The following PUM1 variants were observed in gnomAD, a reference collection of about 807,000 sequenced individuals.
The protein encoded by PUM1 is pumilio RNA binding family member 1, also known as pumilio homolog 1.
PUM1 carries 13 observed loss-of-function variants against 131.8 expected under a neutral mutation model. The observed-to-expected ratio is 0.10, with a 90% CI of 0.06 to 0.16. The LOEUF (loss-of-function observed/expected upper bound fraction) is 0.16. Ranked by LOEUF, PUM1 falls within the 10% of genes least tolerant of loss-of-function variation. The pLI, the probability that PUM1 is intolerant of heterozygous loss-of-function variation, is 1.00. For synonymous variants in PUM1, 509 were observed against 556.5 expected (o/e 0.91, Z 1.20); for missense variants, 961 against 1,512.4 (o/e 0.64, Z 6.05).
intron 20 of PUM1, among the ~76,000 whole-genome samples, chr1:30,938,655 G>C (rs1395561547): frequency 6.6e-6 from 1 of 152,178 alleles, no homozygotes; most frequent in African/African-American, 2.4e-5. Flanking sequence ...ATGAGGTCAG[G>C]AGATCGAGAC....
At chr1:31,028,659 C>G (rs955126371) in intron 3 of PUM1, 137 bp downstream of exon 3, 1 of 783,940 alleles carries the variant, frequency 1.3e-6, no homozygotes, top group South Asian at 1.5e-5. Context: ...TCCAGCATCC[C>G]GTTCCTATCA....
chr1:30,967,594 T>G (rs957900994), intron 11 of PUM1, among the ~76,000 whole-genome samples: 2 of 152,224 alleles, frequency 1.3e-5, no homozygotes, highest in Non-Finnish European at 2.9e-5. Context: ...TTATGTGAGA[T>G]AGAATCTCCA....
chr1:31,017,325 G>A (rs1441221308), intron 3 of PUM1, among the ~76,000 whole-genome samples: 4 of 152,128 alleles, frequency 2.6e-5, no homozygotes, highest in Non-Finnish European at 5.9e-5. Flanking sequence ...TACTACAGAT[G>A]AAGAAAGGAA....
At chr1:30,983,266 T>C (rs180976329) in intron 7 of PUM1, among the ~76,000 whole-genome samples, 12 of 152,364 alleles carry the variant, frequency 7.9e-5, no homozygotes, top group African/African-American at 2.9e-4. Context: ...TTTTAAATTA[T>C]TTCCAAGGTT....
chr1:31,042,307 A>AAAATAAAT (rs202126375), intron 2 of PUM1, among the ~76,000 whole-genome samples: 1,854 of 137,782 alleles, frequency 0.013, 21 homozygotes, highest in East Asian at 0.054. Flanking sequence ...CTCTGTATCA[A>AAAATAAAT]AAATAAATAA....
rs770322682 is a variant in PUM1 at position 30,953,895 on chromosome 1, GGCTGGAGGC to G, written c.2401_2409del (p.Ala801_Ser803del). ...AAAAGAGTGCTGCTCGGGCTGAAGA[GGCTGGAGGC>G]GCTGCTTGCACTGCGGTACTTGGCT... On this transcript the variant is annotated inframe_deletion, in exon 15 of 22. Coordinates refer to ENST00000426105, the MANE Select transcript of PUM1 (RefSeq NM_001020658.2). 1.2e-6 allele frequency: 2 copies of G among 1,614,224 alleles called. No individual in the cohort carries two copies. The highest frequency in any genetic ancestry group is 2.2e-5 in the South Asian group (2 of 91,078).
chr1:30,941,510 G>C (rs1305660923), intron 19 of PUM1, among the ~76,000 whole-genome samples: 1 of 152,164 alleles, frequency 6.6e-6, no homozygotes, highest in African/African-American at 2.4e-5. Context: ...AGGGGAGGGA[G>C]TGTTATGGCA....
At chr1:30,957,284 T>C (rs1640208236) in intron 14 of PUM1, among the ~76,000 whole-genome samples, 1 of 152,242 alleles carries the variant, frequency 6.6e-6, no homozygotes, top group South Asian at 2.1e-4. Context: ...TTGCTCTAAA[T>C]TGTAATATCT....
intron 2 of PUM1, among the ~76,000 whole-genome samples, chr1:31,029,322 C>T (rs1401176605): frequency 1.3e-5 from 2 of 152,130 alleles, no homozygotes; most frequent in African/African-American, 4.8e-5. Context: ...TTTGGTAAAC[C>T]TCAGGAAAGG....
rs762395844 is a variant in PUM1, at chr1:30,936,715, C to T, written c.3363G>A (p.Gln1121=). Residue 1121 remains glutamine, a synonymous_variant, in exon 21 of 22, where the codon CAG becomes CAA. Transcript: ENST00000426105. The part of the protein sequence containing the change: ...HSALYTMMKD[Q]YANYVVQKMI... ...TCTTCTGGACCACGTAGTTGGCATA[C>T]TGGTCCTTCATCATGGTGTATAAGG... 11 of 1,614,086 alleles carry T rather than the reference C, an allele frequency of 6.8e-6. No individual in the cohort carries two copies. The highest frequency in any genetic ancestry group is 2.5e-6 in the Non-Finnish European group (3 of 1,180,022).
chr1:30,954,039 A>C (rs1640050375), intron 14 of PUM1, 58 bp from the exon 15 acceptor site: 34 of 1,540,614 alleles, frequency 2.2e-5, no homozygotes, highest in Non-Finnish European at 3.0e-5. Context: ...CATTCAAGAG[A>C]GAAAAAAGCA....
chr1:30,935,727 T>C lies in PUM1; in HGVS notation c.3435+916A>G, dbSNP rs562143415. 2.2e-3 allele frequency: 977 copies of C among 447,596 alleles called. 8 individuals carry two copies. Among genetic ancestry groups the C allele is most frequent in the African/African-American group, 0.017 (832 of 48,804 alleles). 27.7% of individuals were successfully genotyped at this position (447,596 alleles called of 1,614,324 possible). On this transcript the variant is annotated intron_variant, in intron 21 of 21. Transcript: ENST00000426105. The stretch of plus-strand genomic sequence containing the variant: ...TGAGTCCATTAACAAAGATTCTCAT[T>C]ACCGAACTTTGTTCTCAGTGAGGGC...
intron 4 of PUM1, among the ~76,000 whole-genome samples, chr1:31,006,572 T>C (rs146603904): frequency 8.3e-4 from 126 of 152,282 alleles, no homozygotes; most frequent in Admixed American, 1.3e-3. Context: ...GCCAGAAGAA[T>C]GTCCATGCCC....
intron 11 of PUM1, 152 bp downstream of exon 11, chr1:30,968,202 C>T (rs757766804): frequency 2.0e-6 from 2 of 1,023,666 alleles, no homozygotes; most frequent in South Asian, 2.5e-5. Context: ...GAACTATAGT[C>T]TAAGTGAGGG....
intron 20 of PUM1, among the ~76,000 whole-genome samples, chr1:30,938,363 C>T (rs1335282456): frequency 6.6e-6 from 1 of 152,184 alleles, no homozygotes; most frequent in Non-Finnish European, 1.5e-5. Context: ...AGCCATTCTC[C>T]TGACTCAGCC....
chr1:31,044,997 A>C (rs1359457461), intron 2 of PUM1, among the ~76,000 whole-genome samples: 3 of 152,044 alleles, frequency 2.0e-5, no homozygotes, highest in Non-Finnish European at 4.4e-5. Flanking sequence ...TTTAGTAGAG[A>C]TGTGGTTTCA....
intron 17 of PUM1, among the ~76,000 whole-genome samples, chr1:30,949,558 G>C (rs1468457443): frequency 6.6e-6 from 1 of 151,240 alleles, no homozygotes; most frequent in Non-Finnish European, 1.5e-5. Flanking sequence ...AAGGGTGAGG[G>C]GTCCTTCTCA....
At chr1:30,942,791 G>A (rs1639510190) in intron 18 of PUM1, among the ~76,000 whole-genome samples, 1 of 152,138 alleles carries the variant, frequency 6.6e-6, no homozygotes, top group South Asian at 2.1e-4. Context: ...TTTTGTTTTG[G>A]AGACAAGGCT....
intron 3 of PUM1, among the ~76,000 whole-genome samples, chr1:31,009,206 G>A (rs929354226): frequency 2.0e-5 from 3 of 150,982 alleles, no homozygotes; most frequent in African/African-American, 4.9e-5. Context: ...AATCCTGTCC[G>A]AAGATTACAA....
Sources: allele counts gnomAD v4.1 joint callset (sites outside exome capture counted in the v4.1 genomes callset), GRCh38; gene constraint gnomAD v4.1.1; transcripts MANE v1.5; gene names NCBI Gene and HGNC (gene_info 2026-07-23, HGNC 2026-07-21).